The following UBXN4 variants were observed in gnomAD, a reference collection of about 807,000 sequenced individuals.
UBXN4 encodes the protein UBX domain-containing protein 4.
UBXN4 carries 35 observed loss-of-function variants against 66.2 expected under a neutral mutation model. The ratio of observed to expected loss-of-function variants is 0.53; its 90% CI spans 0.40 to 0.70. UBXN4 has a LOEUF of 0.70. Among genes scored for constraint, UBXN4 ranks in the 30% least tolerant of loss-of-function variants. UBXN4 has a pLI of 0.00. For synonymous variants in UBXN4, 203 were observed against 204.5 expected, an observed-to-expected ratio of 0.99 and a Z score of 0.06; for missense variants, 533 against 599.8, an observed-to-expected ratio of 0.89 and a Z score of 1.16.
At chr2:135,776,569 T>C (rs892789313) in intron 10 of UBXN4, among the ~76,000 whole-genome samples, 1 of 152,138 alleles carries the variant, frequency 6.6e-6, no homozygotes, top group Non-Finnish European at 1.5e-5. Flanking sequence ...TTTGCTGATA[T>C]TGTATAATAG....
Position 135,784,377 on chromosome 2 carries a change from AAGC to A in UBXN4, c.*1496_*1498del, listed in dbSNP as rs1235405232. The A allele has an allele frequency of 6.6e-6, 1 of 152,168 alleles. No individual in the cohort carries two copies. Among genetic ancestry groups the A allele is most frequent in the Non-Finnish European group, 1.5e-5 (1 of 68,032 alleles). 9.4% of individuals were successfully genotyped at this position (152,168 alleles called of 1,614,324 possible). ...AGCATCTGTTAAGTGTTGGGGGAAA[AAGC>A]AGCAGGATCCAGAGCTATAGGTACA... is the stretch of plus-strand genomic sequence containing the variant. On this transcript the variant is annotated 3_prime_UTR_variant, in exon 13 of 13. Transcript: ENST00000272638.
chr2:135,748,969 G>C (rs118024543), intron 2 of UBXN4, among the ~76,000 whole-genome samples: 1 of 152,020 alleles, frequency 6.6e-6, no homozygotes, highest in East Asian at 1.9e-4. Flanking sequence ...CCAGGAGGTT[G>C]AAGTTGAGGC....
Position 135,748,186 on chromosome 2 carries a change from G to C in UBXN4, c.83-81G>C, listed in dbSNP as rs1444921844. 4.7e-6 allele frequency: 5 copies of C among 1,072,230 alleles called. No individual in the cohort carries two copies. In the Admixed American group the frequency reaches 1.4e-4, roughly 29 times the overall value. 66.4% of individuals were successfully genotyped at this position (1,072,230 alleles called of 1,614,324 possible). On this transcript the variant is annotated intron_variant, in intron 1 of 12. Transcript: ENST00000272638. ...GTATAGGTGGGATTATATTTTATTT[G>C]AGGTTTCCGTTTTCCAGGGGAAAAG...
intron 2 of UBXN4, among the ~76,000 whole-genome samples, chr2:135,749,109 C>T (rs922570429): frequency 1.3e-5 from 2 of 152,070 alleles, no homozygotes; most frequent in African/African-American, 4.8e-5. Context: ...TAAATTCTGA[C>T]TGCCGTTTGC....
In UBXN4 at chr2:135,783,707, G is replaced by C. The variant is rs2077463997; in HGVS notation, c.*820G>C. The C allele has an allele frequency of 6.6e-6, 1 of 152,144 alleles. No homozygotes were observed. Among genetic ancestry groups the C allele is most frequent in the Non-Finnish European group, 1.5e-5 (1 of 68,032 alleles). 9.4% of individuals were successfully genotyped at this position (152,144 alleles called of 1,614,324 possible). On this transcript the variant is annotated 3_prime_UTR_variant, in exon 13 of 13. Coordinates refer to ENST00000272638, the MANE Select transcript of UBXN4 (RefSeq NM_014607.4). The stretch of plus-strand genomic sequence containing the variant: ...AAAACAGCTGCTAGTCTGCAACCTA[G>C]TTTTCCCTCTCACCTTTAACTGACG...
intron 8 of UBXN4, 109 bp downstream of exon 8, chr2:135,770,844 A>C: frequency 9.5e-7 from 1 of 1,054,686 alleles, no homozygotes; most frequent in South Asian, 4.9e-5. Flanking sequence ...CTCATAGACT[A>C]CCAATCCTGA....
intron 1 of UBXN4, among the ~76,000 whole-genome samples, chr2:135,745,910 ACT>A (rs1296516233): frequency 1.4e-5 from 1 of 72,276 alleles, no homozygotes; most frequent in Non-Finnish European, 2.6e-5. Context: ...ATGGAGTCTC[ACT>A]CTGCCGCCAG....
intron 10 of UBXN4, among the ~76,000 whole-genome samples, chr2:135,778,566 A>G (rs964079628): frequency 5.3e-5 from 8 of 152,340 alleles, no homozygotes; most frequent in African/African-American, 1.9e-4. Flanking sequence ...AATTCTTAAT[A>G]GGGATTACCT....
chr2:135,756,313 A>G (rs1387530776), intron 5 of UBXN4, among the ~76,000 whole-genome samples: 1 of 152,232 alleles, frequency 6.6e-6, no homozygotes, highest in African/African-American at 2.4e-5. Context: ...CTACTCCAGC[A>G]TCCCACACAA....
At chr2:135,752,449 G>A (rs1045351569) in intron 2 of UBXN4, among the ~76,000 whole-genome samples, 2 of 152,186 alleles carry the variant, frequency 1.3e-5, no homozygotes, top group African/African-American at 4.8e-5. Context: ...AAATTGCTGG[G>A]ATTACAGATG....
At chr2:135,777,695 A>G (rs552963949) in intron 10 of UBXN4, among the ~76,000 whole-genome samples, 6 of 144,096 alleles carry the variant, frequency 4.2e-5, no homozygotes, top group African/African-American at 1.6e-4. Flanking sequence ...GACCAGGCTG[A>G]CCAACATGGT....
chr2:135,760,106 T>C (rs1240709135), intron 5 of UBXN4, among the ~76,000 whole-genome samples: 1 of 151,806 alleles, frequency 6.6e-6, no homozygotes, highest in Non-Finnish European at 1.5e-5. Flanking sequence ...TAAATATGAG[T>C]GTTAATAAGC....
chr2:135,750,045 G>A (rs1463794860), intron 2 of UBXN4, among the ~76,000 whole-genome samples: 3 of 152,154 alleles, frequency 2.0e-5, no homozygotes, highest in African/African-American at 4.8e-5. Flanking sequence ...CTACTTCATA[G>A]GTAGTGATGT....
At chr2:135,774,311 A>G (rs571401600) in intron 9 of UBXN4, among the ~76,000 whole-genome samples, 2 of 152,318 alleles carry the variant, frequency 1.3e-5, no homozygotes, top group African/African-American at 4.8e-5. Flanking sequence ...TACATGCAAA[A>G]TAATGAATTT....
chr2:135,755,193 G>T (rs934103641), intron 4 of UBXN4, among the ~76,000 whole-genome samples: 1 of 151,846 alleles, frequency 6.6e-6, no homozygotes, highest in African/African-American at 2.4e-5. Flanking sequence ...ATATTTTAAG[G>T]ACGTTATACT....
In UBXN4 at chr2:135,742,023, A is replaced by AG; in HGVS notation, c.82+16dup. 2 of 1,612,294 alleles carry AG rather than the reference A, an allele frequency of 1.2e-6. No individual in the cohort carries two copies. Among genetic ancestry groups the AG allele is most frequent in the Non-Finnish European group, 1.7e-6 (2 of 1,179,280 alleles). On this transcript the variant is annotated intron_variant, in intron 1 of 12. Transcript: ENST00000272638. ...GGTGTTCGTGGCAGGTGAAGGAGGCAGGGGTTCGAGAGGCGGCCGGGACAC... is the reference window on the plus strand; with the variant it reads ...GGTGTTCGTGGCAGGTGAAGGAGGCAGGGGGTTCGAGAGGCGGCCGGGACAC...
chr2:135,745,062 A>T (rs992520019), intron 1 of UBXN4, among the ~76,000 whole-genome samples: 8 of 152,204 alleles, frequency 5.3e-5, no homozygotes, highest in Non-Finnish European at 8.8e-5. Context: ...TACTTACGTG[A>T]TATCACTGTT....
intron 1 of UBXN4, 45 bp from the exon 2 acceptor site, chr2:135,748,222 C>A: frequency 2.1e-6 from 3 of 1,417,134 alleles, no homozygotes; most frequent in Non-Finnish European, 1.9e-6. Context: ...AGTTTGCAAT[C>A]AGCAGATCCC....
chr2:135,770,258 G>GTAA (rs1309267186), intron 7 of UBXN4, among the ~76,000 whole-genome samples: 1 of 152,078 alleles, frequency 6.6e-6, no homozygotes, highest in African/African-American at 2.4e-5. Flanking sequence ...ATATAGGAAG[G>GTAA]TTACCATTTC....
Sources: allele counts gnomAD v4.1 joint callset (sites outside exome capture counted in the v4.1 genomes callset), GRCh38; gene constraint gnomAD v4.1.1; transcripts MANE v1.5; gene names NCBI Gene and HGNC (gene_info 2026-07-23, HGNC 2026-07-21).